Variants in LOX observed in about 807,000 individuals in gnomAD.
LOX encodes the protein lysyl oxidase, also known as protein-lysine 6-oxidase.
Under a neutral mutation model 50.5 loss-of-function variants are expected in LOX, and 12 were observed. The observed-to-expected ratio is 0.24, with a 90% CI of 0.15 to 0.38. LOX has a LOEUF of 0.38. LOX is among the 10% of genes least tolerant of loss of function. The pLI, the probability that LOX is intolerant of heterozygous loss-of-function variation, is 1.00. For missense variants in LOX, 504 were observed against 563.8 expected (o/e 0.89, Z 1.07); for synonymous variants, 254 against 230.6 (o/e 1.10, Z -0.92).
chr5:122,077,854 C>G lies in LOX; in HGVS notation c.132G>C (p.Gln44His), dbSNP rs934427837. 11 of 1,543,788 alleles carry G rather than the reference C, an allele frequency of 7.1e-6. No individual in the cohort carries two copies. The African/African-American group carries it at 1.5e-4, about 22-fold the overall frequency. ...EPPAAPGAWR[Q>H]QIQWENNGQV... ...GCCCGTTGTTCTCCCATTGGATCTG[C>G]TGGCGCCAGGCGCCCGGAGCCGCCG... The change falls in exon 1 of 7, where the codon CAG becomes CAC. Residue 44 changes from glutamine (Q) to histidine (H), a missense_variant. Around this residue, in one of 2 missense-constraint regions of LOX, gnomAD observed 398 missense variants for 365.8 expected, o/e 1.09. Transcript: ENST00000231004. The surrounding 1 kb of genome is among the most constrained non-coding windows in gnomAD (Gnocchi z 4.9).
At chr5:122,070,994 T>C (rs1754433971) in intron 4 of LOX, among the ~76,000 whole-genome samples, 1 of 152,178 alleles carries the variant, frequency 6.6e-6, no homozygotes, top group African/African-American at 2.4e-5. Flanking sequence ...TACCTTCTTG[T>C]GCTTTGAACG....
At position 122,066,902 on chromosome 5, in the gene LOX, C is replaced by T. The variant is rs10053942; in HGVS notation, c.1248-153G>A. Among the ~76,000 whole-genome samples, 39,826 of 152,018 alleles carry T rather than the reference C, an allele frequency of 0.26. 6,710 individuals carry two copies. Among genetic ancestry groups the T allele is most frequent in the African/African-American group, 0.48 (19,972 of 41,458 alleles). ...CATGTTGTGAAATTATGCAGTAGTACATCATTTTAATAATGGTTTGAAGAA... is the reference window on the plus strand; with the variant it reads ...CATGTTGTGAAATTATGCAGTAGTATATCATTTTAATAATGGTTTGAAGAA... On this transcript the variant is annotated intron_variant, in intron 6 of 6. Transcript: ENST00000231004.
In LOX at chr5:122,077,840, T is replaced by C; in HGVS notation, c.146A>G (p.Glu49Gly). ...CAAGCTGAACACCTGCCCGTTGTTC[T>C]CCCATTGGATCTGCTGGCGCCAGGC... ...PGAWRQQIQWENNGQVFSLLS... is the reference protein window; with the variant it reads ...PGAWRQQIQWGNNGQVFSLLS... The change falls in exon 1 of 7, where the codon GAG (glutamate) becomes GGG (glycine). Residue 49 changes from glutamate (E) to glycine (G), a missense_variant. Physicochemically the swap from Glu to Gly is moderately conservative, Grantham distance 98 (BLOSUM62 -2). Around this residue, in one of 2 missense-constraint regions of LOX, gnomAD observed 398 missense variants for 365.8 expected, o/e 1.09. Coordinates refer to ENST00000231004, the MANE Select transcript of LOX (RefSeq NM_002317.7). This position sits in a 1 kb window ranked among gnomAD's most constrained non-coding sequence, Gnocchi z 4.9. The C allele has an allele frequency of 6.5e-7, 1 of 1,548,944 alleles. No individual in the cohort carries two copies. The highest frequency in any genetic ancestry group is 2.5e-5 in the East Asian group (1 of 40,790).
At chr5:122,070,456 G>A in intron 5 of LOX, 38 bp downstream of exon 5, 1 of 1,122,510 alleles carries the variant, frequency 8.9e-7, no homozygotes, top group Non-Finnish European at 1.3e-6. Flanking sequence ...CTATTGATCT[G>A]CAATATCAAT....
rs929305120 is a variant in LOX at position 122,066,593 on chromosome 5, C to A, written c.*150G>T. 1.4e-5 allele frequency: 8 copies of A among 585,886 alleles called. No homozygotes were observed. The highest frequency in any genetic ancestry group is 2.8e-5 in the Admixed American group (1 of 36,100). The allele number at this position is 585,886 out of a possible 1,614,324, so 36.3% of individuals were successfully genotyped here. A position where few individuals can be genotyped will look rare whatever the true frequency, so the allele number is the denominator to read the frequency against. ...TAAGCGTTCAAAATCCAGTTATGTGCTTTGTTATTGAAAACAGTCCAAACA... is the reference window on the plus strand; with the variant it reads ...TAAGCGTTCAAAATCCAGTTATGTGATTTGTTATTGAAAACAGTCCAAACA... On this transcript the variant is annotated 3_prime_UTR_variant, in exon 7 of 7. Transcript: ENST00000231004.
rs1244036482 is a variant in LOX at position 122,074,156 on chromosome 5, T to C, written c.892A>G (p.Met298Val). The C allele has an allele frequency of 6.2e-7, 1 of 1,613,932 alleles. No homozygotes were observed. Among genetic ancestry groups the C allele is most frequent in the African/African-American group, 1.3e-5 (1 of 74,930 alleles). The change falls in exon 4 of 7, where the codon ATG (methionine) becomes GTG (valine). Residue 298 changes from methionine to valine, a missense_variant. By Grantham distance (21) the Met-to-Val change is conservative. Coordinates refer to ENST00000231004, the MANE Select transcript of LOX (RefSeq NM_002317.7). ...WHSCHQHYHS[M>V]DEFSHYDLLD... ...AGGTCATAGTGGCTAAACTCATCCATACTGTGGTAATGTCTGATGTCCCAC... is the reference window on the plus strand; with the variant it reads ...AGGTCATAGTGGCTAAACTCATCCACACTGTGGTAATGTCTGATGTCCCAC...
chr5:122,075,427 G>C lies in LOX; in HGVS notation c.855C>G (p.Ser285=), dbSNP rs377662846. 2.0e-5 allele frequency: 33 copies of C among 1,613,314 alleles called. No individual in the cohort carries two copies. The African/African-American group carries it at 4.4e-4, about 22-fold the overall frequency. Residue 285 remains serine, a synonymous_variant, in exon 3 of 7, where the codon TCC becomes TCG. Coordinates refer to ENST00000231004, the MANE Select transcript of LOX (RefSeq NM_002317.7). ...SDFLPSRPRY[S]WEWHSCHQHY... is the part of the protein sequence containing the mutation. ...ACTGATGACAACTGTGCCATTCCCAGGAATATCTTGGTCGGCTGGGTAAGA... is the reference window on the plus strand; with the variant it reads ...ACTGATGACAACTGTGCCATTCCCACGAATATCTTGGTCGGCTGGGTAAGA...
rs750204955 is a variant in LOX at position 122,077,707 on chromosome 5, C to T, written c.279G>A (p.Leu93=). The change falls in exon 1 of 7, where the codon CTG becomes CTA. Residue 93 remains leucine, a synonymous_variant. Coordinates refer to ENST00000231004, the MANE Select transcript of LOX (RefSeq NM_002317.7). This position sits in a 1 kb window ranked among gnomAD's most constrained non-coding sequence, Gnocchi z 4.9. The part of the protein sequence containing the change: ...SAQQPRTPIL[L]IRDNRTAAAR... ...CCGCGGCGGTGCGGTTGTCGCGGAT[C>T]AGCAGGATCGGAGTGCGGGGCTGCT... 3.2e-5 allele frequency: 51 copies of T among 1,592,628 alleles called. No individual in the cohort carries two copies. Among genetic ancestry groups the T allele is most frequent in the Non-Finnish European group, 4.2e-5 (49 of 1,172,800 alleles).
In LOX at chr5:122,066,693, C is replaced by A; in HGVS notation, c.*50G>T. ...ACTGAAGTTAGTCTATTTTTTCCCA[C>A]TTCAGAACACCAGGCACTGATTTAT... On this transcript the variant is annotated 3_prime_UTR_variant, in exon 7 of 7. Coordinates refer to ENST00000231004, the MANE Select transcript of LOX (RefSeq NM_002317.7). The A allele has an allele frequency of 6.5e-7, 1 of 1,536,530 alleles. No homozygotes were observed.
chr5:122,076,806 C>T (rs1754650019), intron 2 of LOX, 87 bp downstream of exon 2: 3 of 1,155,196 alleles, frequency 2.6e-6, no homozygotes, highest in Non-Finnish European at 2.6e-6. Flanking sequence ...CACTTGTCTG[C>T]GCGAAGCAGT....
intron 3 of LOX, 151 bp from the exon 4 acceptor site, chr5:122,074,320 G>GTT: frequency 8.1e-6 from 5 of 619,148 alleles, no homozygotes; most frequent in Non-Finnish European, 1.1e-5. Context: ...TCATGCTAGG[G>GTT]TTTTTTTTTC....
chr5:122,074,652 CATT>C (rs1320937710), intron 3 of LOX, among the ~76,000 whole-genome samples: 1 of 152,160 alleles, frequency 6.6e-6, no homozygotes, highest in East Asian at 1.9e-4. Context: ...TTTTATCCAC[CATT>C]ATTATTTAAA....
chr5:122,078,059 G>T lies in LOX; in HGVS notation c.-74C>A. ...AAAATAAAAACGGGGCTCAAATCAC[G>T]TGAGGGAAGGAGAAATCTTCAACCA... On this transcript the variant is annotated 5_prime_UTR_variant, in exon 1 of 7. Transcript: ENST00000231004. The T allele has an allele frequency of 7.5e-7, 1 of 1,339,556 alleles. No homozygotes were observed. Among genetic ancestry groups the T allele is most frequent in the East Asian group, 2.9e-5 (1 of 34,990 alleles). The allele number at this position is 1,339,556 out of a possible 1,614,324, so 83.0% of individuals were successfully genotyped here.
rs1234002928 is a variant in LOX at position 122,066,533 on chromosome 5, A to T, written c.*210T>A. The stretch of plus-strand genomic sequence containing the variant: ...TGTTAATTCACAAAGTGATGTAAAT[A>T]ATAAACATTAAAAATTTCCCAAGTA... On this transcript the variant is annotated 3_prime_UTR_variant, in exon 7 of 7. Coordinates refer to ENST00000231004, the MANE Select transcript of LOX (RefSeq NM_002317.7). 1 of 493,898 alleles carries T rather than the reference A, an allele frequency of 2.0e-6. No homozygotes were observed. The highest frequency in any genetic ancestry group is 1.9e-5 in the African/African-American group (1 of 51,854). 30.6% of individuals were successfully genotyped at this position (493,898 alleles called of 1,614,324 possible). A position where few individuals can be genotyped will look rare whatever the true frequency, so the allele number is the denominator to read the frequency against.
Position 122,077,843 on chromosome 5 carries a change from C to T in LOX, c.143G>A (p.Trp48Ter). 1 of 1,549,716 alleles carries T rather than the reference C, an allele frequency of 6.5e-7. No individual in the cohort carries two copies. Among genetic ancestry groups the T allele is most frequent in the Non-Finnish European group, 8.7e-7 (1 of 1,152,686 alleles). ...APGAWRQQIQ[W>*]ENNGQVFSLL... ...GCTGAACACCTGCCCGTTGTTCTCC[C>T]ATTGGATCTGCTGGCGCCAGGCGCC... Residue 48 changes from tryptophan (W) to a stop codon, truncating the protein, a stop_gained, in exon 1 of 7, where the codon TGG becomes TAG. Transcript: ENST00000231004. LOFTEE classifies it high-confidence loss of function. The surrounding 1 kb of genome is among the most constrained non-coding windows in gnomAD (Gnocchi z 4.9).
rs1358399036 is a variant in LOX at position 122,075,557 on chromosome 5, A to G, written c.741-16T>C. On this transcript the variant is annotated splice_polypyrimidine_tract_variant and intron_variant, in intron 2 of 6. Coordinates refer to ENST00000231004, the MANE Select transcript of LOX (RefSeq NM_002317.7). ...GTATGCTGTACTGTGATTTTGAAAA[A>G]AGAAAAATTATTATATTCATGGAAT... 1 of 1,525,192 alleles carries G rather than the reference A, an allele frequency of 6.6e-7. No individual in the cohort carries two copies. Among genetic ancestry groups the G allele is most frequent in the African/African-American group, 1.4e-5 (1 of 71,688 alleles). The allele number at this position is 1,525,192 out of a possible 1,614,324, so 94.5% of individuals were successfully genotyped here. A position where few individuals can be genotyped will look rare whatever the true frequency, so the allele number is the denominator to read the frequency against.
Position 122,073,965 on chromosome 5 carries a change from C to T in LOX, c.1035+48G>A, listed in dbSNP as rs372906232. 2.1e-4 allele frequency: 325 copies of T among 1,566,250 alleles called. 2 individuals are homozygous for T. Among genetic ancestry groups the T allele is most frequent in the South Asian group, 2.0e-3 (173 of 88,522 alleles). On this transcript the variant is annotated intron_variant, in intron 4 of 6. Transcript: ENST00000231004. ...TAATGCTAACTAACGGTAGATGACC[C>T]GTTTCTCTCTGAGGCTTGAGGTTCT...
rs370861938 is a variant in LOX at position 122,075,442 on chromosome 5, G to T, written c.840C>A (p.Ser280Arg). 12 of 1,613,514 alleles carry T rather than the reference G, an allele frequency of 7.4e-6. No individual in the cohort carries two copies. The highest frequency in any genetic ancestry group is 3.3e-5 in the Admixed American group (2 of 59,936). ...KNQGTSDFLP[S>R]RPRYSWEWHS... ...GCCATTCCCAGGAATATCTTGGTCG[G>T]CTGGGTAAGAAATCTGATGTCCCTT... The change falls in exon 3 of 7, where the codon AGC (serine) becomes AGA (arginine). Residue 280 changes from serine (S) to arginine (R), a missense_variant. By Grantham distance (110) the Ser-to-Arg change is moderately radical. Coordinates refer to ENST00000231004, the MANE Select transcript of LOX (RefSeq NM_002317.7).
At chr5:122,068,896 CA>C (rs201600780) in intron 6 of LOX, among the ~76,000 whole-genome samples, 2,415 of 151,926 alleles carry the variant, frequency 0.016, 26 homozygotes, top group Non-Finnish European at 0.023. Context: ...TATTTAAGTG[CA>C]AATTATTTTA....
Sources: gnomAD v4.1 joint callset for allele counts (sites outside exome capture counted in the v4.1 genomes callset) on GRCh38, gnomAD v4.1.1 for gene constraint, gnomAD v4.1.1 regional missense constraint, Gnocchi (gnomAD v3.1) non-coding constraint, MANE v1.5 for transcripts, NCBI Gene and HGNC (gene_info 2026-07-23, HGNC 2026-07-21) for gene names.